Variants in ZNF326 observed in about 807,000 individuals in gnomAD.
ZNF326 encodes zinc finger protein 326.
In ZNF326, 30 loss-of-function variants were observed where a neutral mutation model predicts 63.1. That is an observed-to-expected ratio of 0.48 (90% CI 0.36 to 0.64). ZNF326 has a LOEUF of 0.64. Among genes scored for constraint, ZNF326 ranks in the 30% least tolerant of loss-of-function variants. ZNF326 has a pLI of 0.00. For missense variants in ZNF326, 609 were observed against 720.3 expected (o/e 0.85, Z 1.77); for synonymous variants, 194 against 228.2 (o/e 0.85, Z 1.35).
At position 90,027,450 on chromosome 1, in the gene ZNF326, G is replaced by C; in HGVS notation, c.1498G>C (p.Glu500Gln). ...EEKIDEPIEE[E>Q]EDEDEEEEAE... is the part of the protein sequence containing the mutation. Reference sequence around the variant, plus strand: ...GAAGATTGATGAACCTATTGAAGAAGAGGAGGATGAAGATGAGGAAGAAGA... The same window carrying C: ...GAAGATTGATGAACCTATTGAAGAACAGGAGGATGAAGATGAGGAAGAAGA... Residue 500 changes from glutamate (E) to glutamine (Q), a missense_variant, in exon 12 of 12, where the codon GAG becomes CAG. Glu to Gln is a conservative substitution (Grantham distance 29). Around this residue, in one of 3 missense-constraint regions of ZNF326, gnomAD observed 399 missense variants for 444.3 expected, o/e 0.90. Transcript: ENST00000340281. 2 of 1,613,574 alleles carry C rather than the reference G, an allele frequency of 1.2e-6. No individual in the cohort carries two copies. The highest frequency in any genetic ancestry group is 8.5e-7 in the Non-Finnish European group (1 of 1,179,602).
At chr1:90,015,687 A>G (rs994427667) in intron 7 of ZNF326, among the ~76,000 whole-genome samples, 1 of 152,170 alleles carries the variant, frequency 6.6e-6, no homozygotes, top group Non-Finnish European at 1.5e-5. Context: ...GTCTCAAAAA[A>G]TAAATAAATA....
chr1:90,005,354 A>G (rs1648936187), intron 4 of ZNF326, 110 bp downstream of exon 4: 1 of 1,472,482 alleles, frequency 6.8e-7, no homozygotes, highest in South Asian at 1.5e-5. Flanking sequence ...ACTGTTTGCT[A>G]TTGAATCATC....
chr1:90,014,384 C>G (rs550673987), intron 7 of ZNF326, among the ~76,000 whole-genome samples: 2 of 151,926 alleles, frequency 1.3e-5, no homozygotes, highest in Non-Finnish European at 2.9e-5. Context: ...AGTAAGAAAA[C>G]TAAGCTGTTT....
intron 10 of ZNF326, among the ~76,000 whole-genome samples, chr1:90,021,391 AAAG>A (rs1345866874): frequency 6.6e-6 from 1 of 152,034 alleles, no homozygotes; most frequent in Non-Finnish European, 1.5e-5. Context: ...TTAGAATAAA[AAAG>A]AAAGTAAAGA....
chr1:89,996,220 A>C (rs1250275840), intron 1 of ZNF326, among the ~76,000 whole-genome samples: 1 of 152,222 alleles, frequency 6.6e-6, no homozygotes, highest in Non-Finnish European at 1.5e-5. Flanking sequence ...AGACATGGGA[A>C]AGGACTTATG....
At position 90,032,813 on chromosome 1, in the gene ZNF326, T is replaced by C. The variant is rs1052379717; in HGVS notation, c.*5112T>C. 6.6e-6 allele frequency: 1 copy of C among 152,212 alleles called. No homozygotes were observed. Among genetic ancestry groups the C allele is most frequent in the Middle Eastern group, 3.2e-3 (1 of 316 alleles). The allele number at this position is 152,212 out of a possible 1,614,324, so 9.4% of individuals were successfully genotyped here. On this transcript the variant is annotated 3_prime_UTR_variant, in exon 12 of 12. Transcript: ENST00000340281. The stretch of plus-strand genomic sequence containing the variant: ...AAGCTAAAGCTGTAACACAATTTGA[T>C]GTTTGCCAAATAAGGTGAGACTCAC...
intron 5 of ZNF326, among the ~76,000 whole-genome samples, chr1:90,008,768 T>G (rs1284824563): frequency 2.0e-5 from 3 of 152,192 alleles, no homozygotes; most frequent in African/African-American, 7.2e-5. Context: ...TGTAGCTTGT[T>G]ATACTTGTGT....
At chr1:90,011,910 T>C (rs998784392) in intron 6 of ZNF326, among the ~76,000 whole-genome samples, 8 of 152,200 alleles carry the variant, frequency 5.3e-5, no homozygotes, top group Non-Finnish European at 1.2e-4. Flanking sequence ...CAGTCTTGGC[T>C]CACTGCAACC....
chr1:90,004,974 C>T (rs1441666895), intron 2 of ZNF326, 29 bp from the exon 3 acceptor site: 9 of 1,601,684 alleles, frequency 5.6e-6, no homozygotes, highest in Admixed American at 3.3e-5. Context: ...GTGTATTTTA[C>T]TGACAATTTC....
At position 90,005,200 on chromosome 1, in the gene ZNF326, G is replaced by T. The variant is rs1462357835; in HGVS notation, c.165G>T (p.Gln55His). The T allele has an allele frequency of 1.2e-6, 2 of 1,613,894 alleles. No individual in the cohort carries two copies. Among genetic ancestry groups the T allele is most frequent in the African/African-American group, 2.7e-5 (2 of 74,900 alleles). Residue 55 changes from glutamine to histidine, a missense_variant, in exon 4 of 12, where the codon CAG (glutamine) becomes CAT (histidine). Coordinates refer to ENST00000340281, the MANE Select transcript of ZNF326 (RefSeq NM_182976.4). ...GATCCATGGATTCCTACCTAAACCAGTCATATGGCATGGACAATCACAGTG... is the reference window on the plus strand; with the variant it reads ...GATCCATGGATTCCTACCTAAACCATTCATATGGCATGGACAATCACAGTG... ...GQRSMDSYLN[Q>H]SYGMDNHSGG...
rs1570326577 is a variant in ZNF326 at position 90,027,862 on chromosome 1, AT to A, written c.*162del. 10 of 684,386 alleles carry A rather than the reference AT, an allele frequency of 1.5e-5. No homozygotes were observed. The East Asian group carries it at 2.3e-4, about 16-fold the overall frequency. 42.4% of individuals were successfully genotyped at this position (684,386 alleles called of 1,614,324 possible). On this transcript the variant is annotated 3_prime_UTR_variant, in exon 12 of 12. Coordinates refer to ENST00000340281, the MANE Select transcript of ZNF326 (RefSeq NM_182976.4). ...TTTCTAAATGTTTAACATTTGTTTA[AT>A]AAAATGAAGGCAAAACTATTTTAGT...
rs201648896 is a variant in ZNF326 at position 90,013,180 on chromosome 1, G to A, written c.869G>A (p.Arg290Gln). ...GAAAAGCGGCGAATTGAGGCTCGGC[G>A]AGAGAAACAAAGGCGCAGAAGAGAA... ...EEEKRRIEAR[R>Q]EKQRRRREKN... Residue 290 changes from arginine (R) to glutamine (Q), a missense_variant, in exon 7 of 12, where the codon CGA becomes CAA. Transcript: ENST00000340281. 5.6e-6 allele frequency: 9 copies of A among 1,612,820 alleles called. No homozygotes were observed. Among genetic ancestry groups the A allele is most frequent in the African/African-American group, 1.3e-5 (1 of 74,990 alleles).
chr1:90,015,777 G>C (rs992585015), intron 7 of ZNF326, among the ~76,000 whole-genome samples: 3 of 152,190 alleles, frequency 2.0e-5, no homozygotes, highest in Non-Finnish European at 4.4e-5. Flanking sequence ...GTTACAGGAG[G>C]AGTTGTGAGA....
Position 90,028,633 on chromosome 1 carries a change from T to C in ZNF326, c.*932T>C, listed in dbSNP as rs1450701888. ...AAAGAATTATTTCTCTTTCAAATAT[T>C]TCTATCCTTTTTAAAAAATTCCTTT... On this transcript the variant is annotated 3_prime_UTR_variant, in exon 12 of 12. Coordinates refer to ENST00000340281, the MANE Select transcript of ZNF326 (RefSeq NM_182976.4). The C allele has an allele frequency of 6.6e-6, 1 of 152,186 alleles. No individual in the cohort carries two copies. Among genetic ancestry groups the C allele is most frequent in the Admixed American group, 6.5e-5 (1 of 15,286 alleles). The allele number at this position is 152,186 out of a possible 1,614,324, so 9.4% of individuals were successfully genotyped here. A position where few individuals can be genotyped will look rare whatever the true frequency, so the allele number is the denominator to read the frequency against.
chr1:90,000,201 A>G (rs1184245435), intron 2 of ZNF326, among the ~76,000 whole-genome samples: 1 of 152,222 alleles, frequency 6.6e-6, no homozygotes, highest in African/African-American at 2.4e-5. Context: ...TTAAGAAATA[A>G]ACAGTGTGTA....
At chr1:90,000,668 G>A (rs139166831) in intron 2 of ZNF326, among the ~76,000 whole-genome samples, 6 of 152,360 alleles carry the variant, frequency 3.9e-5, no homozygotes, top group African/African-American at 1.2e-4. Flanking sequence ...TTGTGCCACT[G>A]CAGTCCAGCA....
intron 2 of ZNF326, among the ~76,000 whole-genome samples, chr1:90,000,488 C>T (rs1648621415): frequency 6.6e-6 from 1 of 152,090 alleles, no homozygotes; most frequent in African/African-American, 2.4e-5. Context: ...TGCTTGAGGC[C>T]AGGTGATTGA....
At position 90,013,204 on chromosome 1, in the gene ZNF326, A is replaced by G; in HGVS notation, c.893A>G (p.Glu298Gly). 6.2e-7 allele frequency: 1 copy of G among 1,609,148 alleles called. No individual in the cohort carries two copies. Among genetic ancestry groups the G allele is most frequent in the Non-Finnish European group, 8.5e-7 (1 of 1,177,486 alleles). The change falls in exon 7 of 12, where the codon GAA (glutamate) becomes GGA (glycine). Residue 298 changes from glutamate to glycine, a missense_variant. Glu to Gly is a moderately conservative substitution (Grantham distance 98). Coordinates refer to ENST00000340281, the MANE Select transcript of ZNF326 (RefSeq NM_182976.4). ...ARREKQRRRREKNSEKYGDGY... is the reference protein window; with the variant it reads ...ARREKQRRRRGKNSEKYGDGY... ...CGAGAGAAACAAAGGCGCAGAAGAG[A>G]AAAAAACAGTGAGAAATACGGAGAT...
rs904821976 is a variant in ZNF326, at chr1:90,033,505, A to C, written c.*5804A>C. 3.3e-5 allele frequency: 5 copies of C among 152,160 alleles called. No individual in the cohort carries two copies. The highest frequency in any genetic ancestry group is 1.2e-4 in the African/African-American group (5 of 41,454). 9.4% of individuals were successfully genotyped at this position (152,160 alleles called of 1,614,324 possible). A position where few individuals can be genotyped will look rare whatever the true frequency, so the allele number is the denominator to read the frequency against. On this transcript the variant is annotated 3_prime_UTR_variant, in exon 12 of 12. Coordinates refer to ENST00000340281, the MANE Select transcript of ZNF326 (RefSeq NM_182976.4). ...TCATATTATATGTCATAATCTTCAAATATTTTAGAGGTTATTGTACTAATT... is the reference window on the plus strand; with the variant it reads ...TCATATTATATGTCATAATCTTCAACTATTTTAGAGGTTATTGTACTAATT...
Sources: gnomAD v4.1 joint callset for allele counts (sites outside exome capture counted in the v4.1 genomes callset) on GRCh38, gnomAD v4.1.1 for gene constraint, gnomAD v4.1.1 regional missense constraint, MANE v1.5 for transcripts, NCBI Gene and HGNC (gene_info 2026-07-23, HGNC 2026-07-21) for gene names.